DPP6: variants seen among roughly 807,000 people sequenced by gnomAD.
The protein encoded by DPP6 is A-type potassium channel modulatory protein DPP6.
In DPP6, 69 loss-of-function variants were observed where a neutral mutation model predicts 122.6. The observed-to-expected ratio is 0.56, with a 90% CI of 0.46 to 0.69. DPP6 has a LOEUF of 0.69. Ranked by LOEUF, DPP6 falls within the 30% of genes least tolerant of loss-of-function variation. The pLI, the probability that DPP6 is intolerant of heterozygous loss-of-function variation, is 0.00. For missense variants in DPP6, 928 were observed against 1,116.9 expected (o/e 0.83, Z 2.41); for synonymous variants, 418 against 433.1 (o/e 0.97, Z 0.43).
the DPP6 span, among the ~76,000 whole-genome samples, chr7:153,808,444 T>C: frequency 5.8e-3 from 885 of 151,868 alleles, 19 homozygotes; most frequent in African/African-American, 0.02. Flanking sequence ...TGTGTGTGCG[T>C]GTGTGTGTGT....
intron 22 of DPP6, among the ~76,000 whole-genome samples, chr7:154,887,109 C>T (rs1806209806): frequency 6.6e-6 from 1 of 152,164 alleles, no homozygotes; most frequent in Admixed American, 6.5e-5. Context: ...GGTCACTGTG[C>T]CCAAAACCAG....
At chr7:154,219,467 G>C (rs1800181740) in intron 1 of DPP6, among the ~76,000 whole-genome samples, 1 of 152,206 alleles carries the variant, frequency 6.6e-6, no homozygotes, top group Admixed American at 6.5e-5. Flanking sequence ...ATCTGGCATT[G>C]TTGAAGAAGG....
At chr7:153,864,267 T>C in the DPP6 span, among the ~76,000 whole-genome samples, 2 of 152,216 alleles carry the variant, frequency 1.3e-5, no homozygotes, top group African/African-American at 4.8e-5. Context: ...TTTTTTATTA[T>C]AGCAATTTTA....
chr7:154,173,089 A>G (rs1357277870), intron 1 of DPP6, among the ~76,000 whole-genome samples: 2 of 152,210 alleles, frequency 1.3e-5, no homozygotes, highest in African/African-American at 4.8e-5. Context: ...GTTAGAATGA[A>G]TCTCAAACCC....
intron 1 of DPP6, among the ~76,000 whole-genome samples, chr7:154,252,621 A>T (rs982701073): frequency 3.3e-5 from 5 of 152,244 alleles, no homozygotes; most frequent in Non-Finnish European, 1.5e-5. Context: ...TGGCTGTGTT[A>T]TCAAAGCAGG....
intron 8 of DPP6, among the ~76,000 whole-genome samples, chr7:154,744,376 C>T (rs1842943748): frequency 6.6e-6 from 1 of 152,360 alleles, no homozygotes; most frequent in East Asian, 1.9e-4. Context: ...CAAACTTCAT[C>T]TCTTCCCCAC....
chr7:153,810,687 T>TCCTCTCTCTCTC, the DPP6 span, among the ~76,000 whole-genome samples: 1 of 123,048 alleles, frequency 8.1e-6, no homozygotes, highest in South Asian at 3.0e-4. Context: ...TCTCTCTCTC[T>TCCTCTCTCTCTC]CTCTCTCTCT....
chr7:154,174,967 C>G (rs574656150), intron 1 of DPP6, among the ~76,000 whole-genome samples: 16 of 151,788 alleles, frequency 1.1e-4, no homozygotes, highest in Admixed American at 3.3e-4. Context: ...ACCTCCGCCT[C>G]CCAGGTTCAA....
intron 1 of DPP6, among the ~76,000 whole-genome samples, chr7:154,121,098 C>T (rs545915514): frequency 3.3e-5 from 5 of 152,282 alleles, no homozygotes; most frequent in South Asian, 2.1e-4. Flanking sequence ...GAAGGGGCGC[C>T]TTCCTCCATA....
chr7:154,082,600 T>C (rs569699921), intron 1 of DPP6, among the ~76,000 whole-genome samples: 1 of 152,074 alleles, frequency 6.6e-6, no homozygotes, highest in African/African-American at 2.4e-5. Context: ...AGGGGCCCAC[T>C]AAGCATTAGT....
chr7:153,999,225 A>G (rs897202827), intron 1 of DPP6, among the ~76,000 whole-genome samples: 19 of 152,218 alleles, frequency 1.2e-4, no homozygotes, highest in African/African-American at 2.2e-4. Flanking sequence ...ACAAGGGTCA[A>G]AAGAGAGTTA....
chr7:154,478,562 A>G (rs1478653988), intron 3 of DPP6, among the ~76,000 whole-genome samples: 1 of 152,094 alleles, frequency 6.6e-6, no homozygotes, highest in Non-Finnish European at 1.5e-5. Context: ...ACATATATAT[A>G]TATATAGACA....
intron 4 of DPP6, among the ~76,000 whole-genome samples, chr7:154,551,969 T>A (rs1206437361): frequency 2.0e-5 from 3 of 152,188 alleles, no homozygotes; most frequent in Non-Finnish European, 4.4e-5. Flanking sequence ...TGGAAGTAAG[T>A]CTTCCATTCA....
chr7:154,685,922 TC>T (rs1563102859), intron 7 of DPP6, among the ~76,000 whole-genome samples: 1 of 152,134 alleles, frequency 6.6e-6, no homozygotes, highest in South Asian at 2.1e-4. Flanking sequence ...AGTGTGATTT[TC>T]CCCCCATCAA....
At chr7:154,048,291 T>C (rs1800123919), upstream of DPP6, among the ~76,000 whole-genome samples, 1 of 100,658 alleles carries the variant, frequency 9.9e-6, no homozygotes, top group African/African-American at 4.5e-5. Context: ...ACTTTAACTC[T>C]GTTTTTCAAA....
chr7:154,020,774 G>A (rs1469846495), intron 1 of DPP6, among the ~76,000 whole-genome samples: 3 of 152,114 alleles, frequency 2.0e-5, no homozygotes, highest in Non-Finnish European at 4.4e-5. Flanking sequence ...AGTGAAAGGA[G>A]GAGGATTTGG....
intron 17 of DPP6, among the ~76,000 whole-genome samples, chr7:154,857,994 A>G (rs1270257890): frequency 6.6e-6 from 1 of 152,222 alleles, no homozygotes; most frequent in Non-Finnish European, 1.5e-5. Flanking sequence ...GCGGTTCTGC[A>G]TCGTCAGGAT....
intron 1 of DPP6, among the ~76,000 whole-genome samples, chr7:153,934,463 C>G (rs1381935424): frequency 6.6e-6 from 1 of 152,168 alleles, no homozygotes; most frequent in Non-Finnish European, 1.5e-5. Flanking sequence ...ATTTGAGGTT[C>G]TCTTCCACAT....
intron 1 of DPP6, among the ~76,000 whole-genome samples, chr7:154,249,309 C>T (rs1802197776): frequency 6.6e-6 from 1 of 152,224 alleles, no homozygotes; most frequent in Non-Finnish European, 1.5e-5. Flanking sequence ...TTAGAAATCA[C>T]ATCTAACTTT....
Sources: gnomAD v4.1 joint callset for allele counts (sites outside exome capture counted in the v4.1 genomes callset) on GRCh38, gnomAD v4.1.1 for gene constraint, MANE v1.5 for transcripts, NCBI Gene and HGNC (gene_info 2026-07-23, HGNC 2026-07-21) for gene names.